PMM2: variants seen among roughly 807,000 people sequenced by gnomAD.
PMM2 encodes phosphomannomutase 2.
Under a neutral mutation model 33.2 loss-of-function variants are expected in PMM2, and 35 were observed. The observed-to-expected ratio is 1.06, with a 90% CI of 0.81 to 1.40. The LOEUF is 1.40. PMM2 is among the 40% of genes most tolerant of loss of function. PMM2 has a pLI of 0.00. For synonymous variants in PMM2, 153 were observed against 114.7 expected, an observed-to-expected ratio of 1.33 and a Z score of -2.13; for missense variants, 386 against 306.0, an observed-to-expected ratio of 1.26 and a Z score of -1.95.
chr16:8,844,179 T>C (rs1284905216), intron 7 of PMM2, among the ~76,000 whole-genome samples: 1 of 152,050 alleles, frequency 6.6e-6, no homozygotes. Context: ...CAGAAGAAAA[T>C]AAGGCATTTA....
chr16:8,819,176 G>A (rs2060723575), intron 7 of PMM2, among the ~76,000 whole-genome samples: 1 of 152,168 alleles, frequency 6.6e-6, no homozygotes, highest in South Asian at 2.1e-4. Flanking sequence ...TCAGGGTTGG[G>A]GACAGCCCCG....
At chr16:8,839,113 A>G (rs1423268309) in intron 7 of PMM2, among the ~76,000 whole-genome samples, 1 of 151,952 alleles carries the variant, frequency 6.6e-6, no homozygotes, top group Admixed American at 6.6e-5. Flanking sequence ...GGAGGCAGAA[A>G]GTCCTAAACC....
intron 7 of PMM2, among the ~76,000 whole-genome samples, chr16:8,837,856 G>C (rs1596503398): frequency 6.6e-6 from 1 of 152,098 alleles, no homozygotes; most frequent in African/African-American, 2.4e-5. Context: ...CCAAGGGAAG[G>C]CTGCCTTCCC....
rs75712997 is a variant in PMM2, at chr16:8,832,800, C to T, written c.640-14924C>T. The T allele has an allele frequency of 8.7e-4, 860 of 985,310 alleles. 3 individuals are homozygous for T. The African/African-American group carries it at 0.014, about 16-fold the overall frequency. 61.0% of individuals were successfully genotyped at this position (985,310 alleles called of 1,614,324 possible). The stretch of plus-strand genomic sequence containing the variant: ...TCTGTGAGGCCCGCTGTGGCCCGGC[C>T]CCAGCCCCTGCCCATCCTCCCTCTT... On this transcript the variant is annotated intron_variant, in intron 7 of 7. Transcript: ENST00000268261.
chr16:8,813,945 C>A (rs2060692510), intron 7 of PMM2, among the ~76,000 whole-genome samples: 1 of 148,126 alleles, frequency 6.8e-6, no homozygotes, highest in Non-Finnish European at 1.5e-5. Context: ...TGGCTCACTG[C>A]AACCTCTGCC....
intron 7 of PMM2, among the ~76,000 whole-genome samples, chr16:8,841,377 T>A (rs1003678614): frequency 6.6e-6 from 1 of 151,110 alleles, no homozygotes; most frequent in African/African-American, 2.4e-5. Context: ...CTAGTGAAAG[T>A]GTCTACTTAG....
At chr16:8,845,296 G>A (rs1329787952) in intron 7 of PMM2, among the ~76,000 whole-genome samples, 1 of 152,212 alleles carries the variant, frequency 6.6e-6, no homozygotes, top group African/African-American at 2.4e-5. Context: ...AAAGTACATT[G>A]ATCAGTTCGG....
Position 8,801,855 on chromosome 16 carries a change from C to T in PMM2, c.123C>T (p.Ile41=), listed in dbSNP as rs751463681. The T allele has an allele frequency of 6.8e-6, 11 of 1,612,364 alleles. No individual in the cohort carries two copies. The highest frequency in any genetic ancestry group is 1.7e-4 in the Middle Eastern group (1 of 6,056). Residue 41 remains isoleucine, a synonymous_variant, in exon 2 of 8, where the codon ATC becomes ATT. Transcript: ENST00000268261. ...FLQKLRQKIK[I]GVVGGSDFEK... ...AAAAATTGAGGCAGAAGATCAAAAT[C>T]GGAGTGGTAGGCGGATCGGACTTTG...
chr16:8,815,389 C>A (rs1420947793), intron 7 of PMM2, among the ~76,000 whole-genome samples: 1 of 151,994 alleles, frequency 6.6e-6, no homozygotes, highest in African/African-American at 2.4e-5. Context: ...TGCCACCACG[C>A]CCGGCTAATT....
rs147068457 is a variant in PMM2 at position 8,811,115 on chromosome 16, C to T, written c.384C>T (p.Asn128=). Residue 128 remains asparagine, a synonymous_variant, in exon 5 of 8, where the codon AAC becomes AAT. Transcript: ENST00000268261. ...TTGAATTCCGAAATGGGATGTTAAA[C>T]GTGTCCCCTATTGGAAGAAGCTGCA... ...TFIEFRNGML[N]VSPIGRSCSQ... is the part of the protein sequence containing the mutation. The T allele has an allele frequency of 1.0e-5, 16 of 1,576,852 alleles. No individual in the cohort carries two copies. Among genetic ancestry groups the T allele is most frequent in the African/African-American group, 9.4e-5 (7 of 74,238 alleles).
chr16:8,841,168 T>C (rs11642872), intron 7 of PMM2, among the ~76,000 whole-genome samples: 66,271 of 150,164 alleles, frequency 0.44, 15,146 homozygotes, highest in Non-Finnish European at 0.48. Flanking sequence ...TTCCTGAAGA[T>C]TGAGGACTGT....
chr16:8,844,774 A>T (rs1048139511), intron 7 of PMM2, among the ~76,000 whole-genome samples: 6 of 152,206 alleles, frequency 3.9e-5, no homozygotes, highest in African/African-American at 1.4e-4. Flanking sequence ...AATGAAAGGA[A>T]TTGAAATTAA....
At chr16:8,818,728 G>A (rs1051115170) in intron 7 of PMM2, among the ~76,000 whole-genome samples, 4 of 149,684 alleles carry the variant, frequency 2.7e-5, no homozygotes, top group African/African-American at 1.0e-4. Context: ...TGTGGCGTTG[G>A]CCGTTGCTTT....
rs565165106 is a variant in PMM2, at chr16:8,847,877, C to G, written c.*52C>G. 5 of 1,404,140 alleles carry G rather than the reference C, an allele frequency of 3.6e-6. No individual in the cohort carries two copies. The highest frequency in any genetic ancestry group is 5.0e-6 in the Non-Finnish European group (5 of 996,540). The allele number at this position is 1,404,140 out of a possible 1,614,324, so 87.0% of individuals were successfully genotyped here. ...GGCTGACAAGCCAGCATAGGGCATT[C>G]GGTGGCCAGAGCCGAGGGTCCTCCC... On this transcript the variant is annotated 3_prime_UTR_variant, in exon 8 of 8. Coordinates refer to ENST00000268261, the MANE Select transcript of PMM2 (RefSeq NM_000303.3).
At chr16:8,833,070 C>A in intron 7 of PMM2, 1 of 233,788 alleles carries the variant, frequency 4.3e-6, no homozygotes, top group Non-Finnish European at 7.0e-6. Flanking sequence ...AAGAGACCAC[C>A]AAACGGGCTT....
At chr16:8,836,669 T>G (rs2060850114) in intron 7 of PMM2, among the ~76,000 whole-genome samples, 1 of 151,980 alleles carries the variant, frequency 6.6e-6, no homozygotes, top group Non-Finnish European at 1.5e-5. Flanking sequence ...AGGGCCAGAT[T>G]CTAATTTTTG....
At chr16:8,812,933 C>A in intron 6 of PMM2, 58 bp from the exon 7 acceptor site, 3 of 941,106 alleles carry the variant, frequency 3.2e-6, no homozygotes, top group Non-Finnish European at 5.3e-6. Flanking sequence ...TTTTCAGTGA[C>A]ATATCATTAG....
intron 7 of PMM2, among the ~76,000 whole-genome samples, chr16:8,827,889 GATATATATGAT>G (rs1362882539): frequency 2.5e-5 from 1 of 40,196 alleles, no homozygotes; most frequent in African/African-American, 8.5e-5. Context: ...TATAATATAT[GATATATATGAT>G]ATATATTATA....
Position 8,804,985 on chromosome 16 carries a change from A to C in PMM2, c.255+142A>C, listed in dbSNP as rs1474763608. 6.1e-6 allele frequency: 4 copies of C among 657,774 alleles called. No homozygotes were observed. In the East Asian group the frequency reaches 1.1e-4, roughly 18 times the overall value. The allele number at this position is 657,774 out of a possible 1,614,324, so 40.7% of individuals were successfully genotyped here. ...TATTTTTTGTTTTGCATTTTGAACC[A>C]TGTGACTATTACATATTCTACATTG... On this transcript the variant is annotated intron_variant, in intron 3 of 7. Coordinates refer to ENST00000268261, the MANE Select transcript of PMM2 (RefSeq NM_000303.3).
Sources: gnomAD v4.1 joint callset for allele counts (sites outside exome capture counted in the v4.1 genomes callset) on GRCh38, gnomAD v4.1.1 for gene constraint, MANE v1.5 for transcripts, NCBI Gene and HGNC (gene_info 2026-07-23, HGNC 2026-07-21) for gene names.